Variants in TGFBR3 observed in about 807,000 individuals in gnomAD.
TGFBR3 encodes transforming growth factor beta receptor 3.
Under a neutral mutation model 87.9 loss-of-function variants are expected in TGFBR3, and 46 were observed. The observed-to-expected ratio is 0.52, with a 90% confidence interval of 0.41 to 0.67. TGFBR3 has a LOEUF of 0.67. TGFBR3 is among the 30% of genes least tolerant of loss of function. The probability of loss-of-function intolerance (pLI) is 0.00; values close to 1 mark genes in which losing one functional copy is unlikely to be tolerated. For missense variants in TGFBR3, 866 were observed against 1,041.9 expected (o/e 0.83, Z 2.32); for synonymous variants, 381 against 391.6 (o/e 0.97, Z 0.32).
intron 1 of TGFBR3, among the ~76,000 whole-genome samples, chr1:91,871,112 C>A (rs1255126389): frequency 2.0e-5 from 3 of 152,000 alleles, no homozygotes; most frequent in African/African-American, 7.3e-5. Flanking sequence ...GGACTTAAAC[C>A]TAGGTCTGTC....
intron 10 of TGFBR3, among the ~76,000 whole-genome samples, chr1:91,718,599 C>A (rs572996872): frequency 1.3e-5 from 2 of 152,148 alleles, no homozygotes; most frequent in East Asian, 3.9e-4. Flanking sequence ...ATTTTAAATT[C>A]TTTTAATATT....
At chr1:91,740,033 A>G (rs12067583) in intron 4 of TGFBR3, among the ~76,000 whole-genome samples, 48,712 of 152,062 alleles carry the variant, frequency 0.32, 7,845 homozygotes, top group Middle Eastern at 0.37. Context: ...CCCCACTTCC[A>G]ACACTGGGGA....
At chr1:91,846,947 A>C (rs959426514) in intron 2 of TGFBR3, among the ~76,000 whole-genome samples, 2 of 152,146 alleles carry the variant, frequency 1.3e-5, no homozygotes, top group African/African-American at 4.8e-5. Context: ...AAAAAGAAAA[A>C]ATATTGTTAC....
intron 10 of TGFBR3, among the ~76,000 whole-genome samples, chr1:91,718,966 G>A (rs1049762006): frequency 7.2e-5 from 11 of 152,258 alleles, no homozygotes; most frequent in Admixed American, 2.6e-4. Context: ...GGTGCTGCTC[G>A]TTCATATAGC....
intron 4 of TGFBR3, among the ~76,000 whole-genome samples, chr1:91,736,893 C>T (rs1557684350): frequency 6.6e-6 from 1 of 152,202 alleles, no homozygotes; most frequent in Non-Finnish European, 1.5e-5. Flanking sequence ...ACCCTATATA[C>T]ATTATACACA....
chr1:91,785,067 A>C (rs912179868), intron 3 of TGFBR3, among the ~76,000 whole-genome samples: 1 of 152,356 alleles, frequency 6.6e-6, no homozygotes, highest in Non-Finnish European at 1.5e-5. Flanking sequence ...AAACTAATAA[A>C]ACTTTAAAAA....
Position 91,781,183 on chromosome 1 carries a change from A to G in TGFBR3, c.246+16104T>C, listed in dbSNP as rs193131537. On this transcript the variant is annotated intron_variant, in intron 3 of 16. Transcript: ENST00000212355. ...ACTCCTTGCCTGAGTTTGTTGCCAC[A>G]TGTAATAATATCGTTTCAGTTCATT... Among the ~76,000 whole-genome samples, 393 of 152,310 alleles carry G rather than the reference A, an allele frequency of 2.6e-3. 2 individuals carry two copies. Among genetic ancestry groups the G allele is most frequent in the African/African-American group, 8.9e-3 (370 of 41,562 alleles).
intron 14 of TGFBR3, among the ~76,000 whole-genome samples, chr1:91,708,253 A>G (rs1671861212): frequency 6.6e-6 from 1 of 152,190 alleles, no homozygotes; most frequent in East Asian, 1.9e-4. Flanking sequence ...AATTTTGATA[A>G]AGCAATACAA....
Position 91,882,293 on chromosome 1 carries a change from C to T in TGFBR3, c.-114+3585G>A, listed in dbSNP as rs558531817. Reference sequence around the variant, plus strand: ...CTGTGATTACAGGTGTGCACCACCACGCTCAGCAAATTGTTGTATTTTCTG... The same window carrying T: ...CTGTGATTACAGGTGTGCACCACCATGCTCAGCAAATTGTTGTATTTTCTG... On this transcript the variant is annotated intron_variant, in intron 1 of 16. Coordinates refer to ENST00000212355, the MANE Select transcript of TGFBR3 (RefSeq NM_003243.5). 2.3e-4 allele frequency among the ~76,000 whole-genome samples: 35 copies of T among 151,572 alleles called. No homozygotes were observed. In the East Asian group the frequency reaches 2.7e-3, roughly 12 times the overall value.
chr1:91,682,425 T>TAA lies in TGFBR3; in HGVS notation c.*1312_*1313dup, dbSNP rs1553158587. 1.1e-4 allele frequency: 45 copies of TAA among 421,212 alleles called. No homozygotes were observed. The highest frequency in any genetic ancestry group is 1.6e-3 in the Middle Eastern group (2 of 1,242). The allele number at this position is 421,212 out of a possible 1,614,324, so 26.1% of individuals were successfully genotyped here. On this transcript the variant is annotated 3_prime_UTR_variant, in exon 17 of 17. Coordinates refer to ENST00000212355, the MANE Select transcript of TGFBR3 (RefSeq NM_003243.5). ...CATTCTTTTTTTTTTTTTTTTTTTTTAACAAGGAGGTATCACTGAGCTTAT... is the reference window on the plus strand; with the variant it reads ...CATTCTTTTTTTTTTTTTTTTTTTTTAAAACAAGGAGGTATCACTGAGCTTAT...
chr1:91,760,463 A>G (rs116065263), intron 3 of TGFBR3, among the ~76,000 whole-genome samples: 1,631 of 152,250 alleles, frequency 0.011, 32 homozygotes, highest in African/African-American at 0.037. Context: ...ACGATAATAC[A>G]CTTGATCTTA....
chr1:91,735,103 G>A lies in TGFBR3; in HGVS notation c.385-144C>T, dbSNP rs1023262277. ...AAGCAGATCAGCGTTTTTAAGCAGC[G>A]GATTCAAGGAATAATCCCAAGCCTA... On this transcript the variant is annotated intron_variant, in intron 4 of 16. Transcript: ENST00000212355. The A allele has an allele frequency of 7.7e-5, 74 of 967,172 alleles. 1 individual carries two copies. Among genetic ancestry groups the A allele is most frequent in the South Asian group, 1.5e-4 (10 of 68,824 alleles). The allele number at this position is 967,172 out of a possible 1,614,324, so 59.9% of individuals were successfully genotyped here. A position where few individuals can be genotyped will look rare whatever the true frequency, so the allele number is the denominator to read the frequency against.
chr1:91,729,949 T>C lies in TGFBR3; in HGVS notation c.593A>G (p.Asn198Ser). Residue 198 changes from asparagine (N) to serine (S), a missense_variant, in exon 6 of 17, where the codon AAC becomes AGC. By Grantham distance (46) the Asn-to-Ser change is conservative (BLOSUM62 1). Coordinates refer to ENST00000212355, the MANE Select transcript of TGFBR3 (RefSeq NM_003243.5). ...GAGTGAGAGAAAATTCTTCCCTATG[T>C]TGCACTTTGGAGGGAACACTTGATC... ...GEDQVFPPKC[N>S]IGKNFLSLNY... 1 of 1,614,166 alleles carries C rather than the reference T, an allele frequency of 6.2e-7. No homozygotes were observed. Among genetic ancestry groups the C allele is most frequent in the South Asian group, 1.1e-5 (1 of 91,078 alleles).
chr1:91,777,889 T>C (rs1674623549), intron 3 of TGFBR3, among the ~76,000 whole-genome samples: 2 of 152,188 alleles, frequency 1.3e-5, no homozygotes, highest in Non-Finnish European at 2.9e-5. Flanking sequence ...ACTGTCCAAC[T>C]GCCTGGTTCT....
intron 5 of TGFBR3, among the ~76,000 whole-genome samples, chr1:91,734,180 T>C (rs911347541): frequency 6.6e-6 from 1 of 152,228 alleles, no homozygotes. Flanking sequence ...GATATTTCTA[T>C]CCCTTTGCAA....
intron 5 of TGFBR3, among the ~76,000 whole-genome samples, chr1:91,733,661 A>G (rs1024261535): frequency 3.3e-5 from 5 of 152,232 alleles, no homozygotes; most frequent in Non-Finnish European, 5.9e-5. Context: ...TCAGCCAGCT[A>G]TAACAAGGAC....
chr1:91,816,663 A>G (rs1676238781), intron 2 of TGFBR3, among the ~76,000 whole-genome samples: 1 of 152,228 alleles, frequency 6.6e-6, no homozygotes, highest in African/African-American at 2.4e-5. Flanking sequence ...GTTCCCATAT[A>G]TTGGGCTCAA....
chr1:91,729,714 G>T, intron 6 of TGFBR3, 91 bp downstream of exon 6: 2 of 1,470,744 alleles, frequency 1.4e-6, no homozygotes, highest in Non-Finnish European at 9.5e-7. Flanking sequence ...GTAGGGGAGG[G>T]TGTAGGACGG....
At chr1:91,709,033 C>T (rs574653990) in intron 13 of TGFBR3, among the ~76,000 whole-genome samples, 20 of 152,334 alleles carry the variant, frequency 1.3e-4, no homozygotes, top group African/African-American at 4.8e-4. Context: ...TGTCCTCCCC[C>T]TCCCCTTCTT....
Sources: gnomAD v4.1 joint callset for allele counts (sites outside exome capture counted in the v4.1 genomes callset) on GRCh38, gnomAD v4.1.1 for gene constraint, MANE v1.5 for transcripts, NCBI Gene and HGNC (gene_info 2026-07-23, HGNC 2026-07-21) for gene names.